ARMH3: variants seen among roughly 807,000 people sequenced by gnomAD.
ARMH3 encodes armadillo like helical domain containing 3.
Under a neutral mutation model 99.1 loss-of-function variants are expected in ARMH3, and 60 were observed. That is an observed-to-expected ratio of 0.61 (90% CI 0.49 to 0.75). The LOEUF is 0.75. ARMH3 is among the 30% of genes least tolerant of loss of function. The pLI is 0.00. For missense variants in ARMH3, 679 were observed against 843.1 expected, an observed-to-expected ratio of 0.81 and a Z score of 2.41; for synonymous variants, 285 against 292.8, an observed-to-expected ratio of 0.97 and a Z score of 0.27.
At chr10:101,963,614 T>C (rs1209446050) in intron 20 of ARMH3, among the ~76,000 whole-genome samples, 1 of 152,056 alleles carries the variant, frequency 6.6e-6, no homozygotes, top group African/African-American at 2.4e-5. Context: ...TATTTTTGTT[T>C]TTGAGATGGA....
At chr10:102,046,286 G>GAGAGAGAA (rs2067547704) in intron 1 of ARMH3, among the ~76,000 whole-genome samples, 1 of 150,152 alleles carries the variant, frequency 6.7e-6, no homozygotes, top group Non-Finnish European at 1.5e-5. Context: ...AAGAGAGGGA[G>GAGAGAGAA]AGAGAGAAAG....
chr10:101,869,801 G>C (rs562811038), intron 24 of ARMH3, among the ~76,000 whole-genome samples: 1 of 152,200 alleles, frequency 6.6e-6, no homozygotes, highest in Non-Finnish European at 1.5e-5. Context: ...GAGAGGCTGA[G>C]GGGGGTGGAT....
chr10:102,051,229 T>C (rs1275727365), intron 1 of ARMH3, among the ~76,000 whole-genome samples: 1 of 151,254 alleles, frequency 6.6e-6, no homozygotes, highest in Non-Finnish European at 1.5e-5. Context: ...TATCAGCACT[T>C]TGGGAGGCCA....
chr10:102,020,091 G>A (rs1285151774), intron 8 of ARMH3, among the ~76,000 whole-genome samples: 2 of 151,844 alleles, frequency 1.3e-5, no homozygotes, highest in Non-Finnish European at 2.9e-5. Context: ...ATGTGTTTGT[G>A]TTTCAAGCTA....
intron 5 of ARMH3, among the ~76,000 whole-genome samples, chr10:102,027,733 T>C (rs2067031851): frequency 6.6e-6 from 1 of 152,080 alleles, no homozygotes; most frequent in South Asian, 2.1e-4. Context: ...CCATGACATA[T>C]ATATGAACTG....
chr10:101,992,389 T>C (rs570562612), intron 17 of ARMH3, among the ~76,000 whole-genome samples: 2 of 151,792 alleles, frequency 1.3e-5, no homozygotes, highest in South Asian at 2.1e-4. Flanking sequence ...TCTTTGACGA[T>C]AAATAATAAT....
At chr10:101,857,800 G>C (rs1414313577) in intron 24 of ARMH3, among the ~76,000 whole-genome samples, 2 of 152,198 alleles carry the variant, frequency 1.3e-5, no homozygotes, top group Admixed American at 6.5e-5. Flanking sequence ...GAGACTGAAA[G>C]AGAAATGGAA....
intron 23 of ARMH3, among the ~76,000 whole-genome samples, chr10:101,922,189 A>C (rs1346635723): frequency 6.6e-6 from 1 of 152,324 alleles, no homozygotes; most frequent in East Asian, 1.9e-4. Flanking sequence ...ATATATCAAT[A>C]TCTCAATTAA....
chr10:101,913,645 C>T (rs562857435), intron 23 of ARMH3, among the ~76,000 whole-genome samples: 8 of 152,256 alleles, frequency 5.3e-5, no homozygotes, highest in African/African-American at 1.9e-4. Flanking sequence ...GGATTATAGG[C>T]GTAAGCCACT....
intron 22 of ARMH3, among the ~76,000 whole-genome samples, chr10:101,947,952 T>C (rs1844622520): frequency 6.6e-6 from 1 of 151,924 alleles, no homozygotes; most frequent in African/African-American, 2.4e-5. Context: ...AATACAAATA[T>C]AGCCCAAAAG....
chr10:101,957,608 G>GC, intron 21 of ARMH3, 42 bp downstream of exon 21: 1 of 1,567,226 alleles, frequency 6.4e-7, no homozygotes, highest in Non-Finnish European at 8.6e-7. Flanking sequence ...TTCTGCCTTA[G>GC]CATATGGCTT....
At chr10:101,851,008 T>A (rs1350443103) in intron 24 of ARMH3, among the ~76,000 whole-genome samples, 2 of 152,204 alleles carry the variant, frequency 1.3e-5, no homozygotes, top group African/African-American at 4.8e-5. Context: ...CTCAGCACCA[T>A]CTGCTACTTG....
chr10:101,985,173 CAT>C (rs1173412902), intron 19 of ARMH3, among the ~76,000 whole-genome samples: 9 of 147,676 alleles, frequency 6.1e-5, no homozygotes, highest in East Asian at 4.0e-4. Context: ...TACGTGTACA[CAT>C]ATATGAATAT....
intron 2 of ARMH3, among the ~76,000 whole-genome samples, chr10:102,039,305 C>A (rs180785104): frequency 6.6e-6 from 1 of 151,996 alleles, no homozygotes; most frequent in African/African-American, 2.4e-5. Flanking sequence ...CCACCATGCC[C>A]GGCTAAGTTT....
intron 23 of ARMH3, among the ~76,000 whole-genome samples, chr10:101,912,105 T>C (rs1459946853): frequency 1.3e-5 from 2 of 149,758 alleles, no homozygotes; most frequent in Non-Finnish European, 3.0e-5. Context: ...AGAAAATGAT[T>C]TGAGCATGGC....
At chr10:101,999,668 T>G (rs2066303720) in intron 15 of ARMH3, among the ~76,000 whole-genome samples, 1 of 152,248 alleles carries the variant, frequency 6.6e-6, no homozygotes, top group African/African-American at 2.4e-5. Flanking sequence ...AGAATTATTG[T>G]TGACTTTCTT....
intron 24 of ARMH3, among the ~76,000 whole-genome samples, chr10:101,874,751 G>T (rs2067219968): frequency 6.6e-6 from 1 of 152,148 alleles, no homozygotes; most frequent in Non-Finnish European, 1.5e-5. Flanking sequence ...GGCTCTGCTT[G>T]TGGCAACTCA....
At chr10:102,008,426 T>TGA (rs1290808646) in intron 13 of ARMH3, among the ~76,000 whole-genome samples, 1 of 152,234 alleles carries the variant, frequency 6.6e-6, no homozygotes, top group Non-Finnish European at 1.5e-5. Flanking sequence ...CTTGAGTTCT[T>TGA]GGTCTACTTT....
intron 19 of ARMH3, among the ~76,000 whole-genome samples, chr10:101,987,178 CT>C (rs1218203655): frequency 6.6e-6 from 1 of 152,044 alleles, no homozygotes. Flanking sequence ...CTTGGGCAAG[CT>C]TTTTTTCTAC....
Sources: gnomAD v4.1 joint callset for allele counts (sites outside exome capture counted in the v4.1 genomes callset) on GRCh38, gnomAD v4.1.1 for gene constraint, MANE v1.5 for transcripts, NCBI Gene and HGNC (gene_info 2026-07-23, HGNC 2026-07-21) for gene names.